GRK5: variants seen among roughly 807,000 people sequenced by gnomAD.
GRK5 encodes the protein G protein-coupled receptor kinase 5.
Under a neutral mutation model 78.4 loss-of-function variants are expected in GRK5, and 40 were observed. The observed-to-expected ratio is 0.51, with a 90% confidence interval of 0.40 to 0.66. The LOEUF is 0.66. GRK5 is among the 30% of genes least tolerant of loss of function. The pLI, the probability that GRK5 is intolerant of heterozygous loss-of-function variation, is 0.00. For synonymous variants in GRK5, 289 were observed against 296.8 expected (o/e 0.97, Z 0.27); for missense variants, 598 against 759.9 (o/e 0.79, Z 2.50).
chr10:119,419,137 G>A (rs960782680), intron 4 of GRK5, among the ~76,000 whole-genome samples: 2 of 152,044 alleles, frequency 1.3e-5, no homozygotes, highest in African/African-American at 4.8e-5. Context: ...CCAGCCCACC[G>A]CCCACCAGCC....
At chr10:119,362,509 C>T (rs957017531) in intron 2 of GRK5, among the ~76,000 whole-genome samples, 1 of 152,218 alleles carries the variant, frequency 6.6e-6, no homozygotes, top group Non-Finnish European at 1.5e-5. Flanking sequence ...CAGAGCCTTC[C>T]TGCATCTAAA....
chr10:119,359,425 G>T (rs1447516198), intron 2 of GRK5, among the ~76,000 whole-genome samples: 2 of 152,224 alleles, frequency 1.3e-5, no homozygotes, highest in Non-Finnish European at 2.9e-5. Context: ...GCAGCTGTGG[G>T]TTGATGCAGC....
At chr10:119,219,276 ATAGCT>A (rs1163037289) in intron 1 of GRK5, among the ~76,000 whole-genome samples, 2 of 151,890 alleles carry the variant, frequency 1.3e-5, no homozygotes, top group African/African-American at 4.8e-5. Flanking sequence ...TGGCACCATC[ATAGCT>A]TAGCTCACTG....
intron 2 of GRK5, among the ~76,000 whole-genome samples, chr10:119,340,497 C>A (rs1012359181): frequency 6.6e-6 from 1 of 152,184 alleles, no homozygotes; most frequent in African/African-American, 2.4e-5. Context: ...ATTTCCAAAA[C>A]AATTTTAAAA....
At chr10:119,396,989 G>A (rs1852066056) in intron 4 of GRK5, among the ~76,000 whole-genome samples, 2 of 152,258 alleles carry the variant, frequency 1.3e-5, no homozygotes, top group Admixed American at 1.3e-4. Context: ...TGGAGTAGGG[G>A]CGGGATGCCT....
intron 4 of GRK5, among the ~76,000 whole-genome samples, chr10:119,398,279 G>A (rs375954746): frequency 6.6e-6 from 1 of 152,172 alleles, no homozygotes; most frequent in African/African-American, 2.4e-5. Context: ...TGGACACTCT[G>A]GGCATAAACA....
intron 11 of GRK5, 49 bp downstream of exon 11, chr10:119,442,137 C>G: frequency 1.3e-6 from 2 of 1,500,994 alleles, no homozygotes; most frequent in Non-Finnish European, 9.3e-7. Context: ...CCACCACCTG[C>G]TCACCGCCGG....
rs1475751178 is a variant in GRK5, at chr10:119,238,161, G to T, written c.52+30192G>T. 6.6e-6 allele frequency among the ~76,000 whole-genome samples: 1 copy of T among 152,164 alleles called. No homozygotes were observed. Among genetic ancestry groups the T allele is most frequent in the Non-Finnish European group, 1.5e-5 (1 of 68,034 alleles). On this transcript the variant is annotated intron_variant, in intron 1 of 15. Coordinates refer to ENST00000392870, the MANE Select transcript of GRK5 (RefSeq NM_005308.3). This position sits in a 1 kb window ranked among gnomAD's most constrained non-coding sequence, Gnocchi z 4.7. ...AGAGAGGGTTTTCTGGTCTGAAGAG[G>T]AGAGTGTGCCCCTCACAGTAGATGG... is the stretch of plus-strand genomic sequence containing the variant.
intron 1 of GRK5, among the ~76,000 whole-genome samples, chr10:119,302,590 C>T (rs1457677828): frequency 6.6e-6 from 1 of 152,208 alleles, no homozygotes; most frequent in Non-Finnish European, 1.5e-5. Context: ...TCTACCTGCT[C>T]CCCAGGGCAC....
chr10:119,405,647 C>G (rs539442128), intron 4 of GRK5, among the ~76,000 whole-genome samples: 95 of 151,294 alleles, frequency 6.3e-4, no homozygotes, highest in African/African-American at 2.1e-3. Context: ...CACAGGCAGT[C>G]AGCTTCATCC....
intron 1 of GRK5, among the ~76,000 whole-genome samples, chr10:119,220,707 C>T (rs563256741): frequency 2.6e-5 from 4 of 151,292 alleles, no homozygotes; most frequent in African/African-American, 9.7e-5. Context: ...TGGTGGCACG[C>T]GCCTGTAATC....
intron 9 of GRK5, 45 bp downstream of exon 9, chr10:119,436,886 G>A: frequency 6.6e-7 from 1 of 1,526,534 alleles, no homozygotes; most frequent in Non-Finnish European, 8.9e-7. Flanking sequence ...GTCCGAGGGG[G>A]TGGGGCCAGC....
intron 4 of GRK5, among the ~76,000 whole-genome samples, chr10:119,397,759 C>G (rs1304506037): frequency 6.6e-6 from 1 of 152,242 alleles, no homozygotes; most frequent in Non-Finnish European, 1.5e-5. Context: ...TCTCCAGCAT[C>G]AGCAGTTGGT....
chr10:119,420,359 AAAAAAAC>A (rs1348397122), intron 4 of GRK5, among the ~76,000 whole-genome samples: 2 of 151,458 alleles, frequency 1.3e-5, no homozygotes, highest in African/African-American at 4.8e-5. Context: ...CAAACAAAAA[AAAAAAAC>A]AAGAAGAAAG....
intron 13 of GRK5, among the ~76,000 whole-genome samples, chr10:119,450,446 G>T (rs1044834056): frequency 2.0e-5 from 3 of 152,190 alleles, no homozygotes; most frequent in Non-Finnish European, 4.4e-5. Context: ...AATAGAAGTA[G>T]AAATACGAGT....
rs1848413764 is a variant in GRK5, at chr10:119,207,895, C to T, written c.-23C>T. The T allele has an allele frequency of 1.3e-6, 2 of 1,590,416 alleles. No individual in the cohort carries two copies. Among genetic ancestry groups the T allele is most frequent in the African/African-American group, 1.4e-5 (1 of 72,366 alleles). ...GCGCTGACAGCCCCGCCGGCCGGCT[C>T]CGTTGCTGACCGCCGACTGTCAATG... On this transcript the variant is annotated 5_prime_UTR_variant, in exon 1 of 16. Coordinates refer to ENST00000392870, the MANE Select transcript of GRK5 (RefSeq NM_005308.3).
intron 3 of GRK5, among the ~76,000 whole-genome samples, chr10:119,389,960 C>A (rs542087297): frequency 6.6e-6 from 1 of 152,286 alleles, no homozygotes; most frequent in East Asian, 1.9e-4. Context: ...ATTCCAGGAG[C>A]CAGGAGCTTA....
intron 1 of GRK5, among the ~76,000 whole-genome samples, chr10:119,286,798 G>A (rs2133696927): frequency 6.6e-6 from 1 of 152,354 alleles, no homozygotes; most frequent in Middle Eastern, 3.4e-3. Context: ...GGGGAGGTGA[G>A]GGGTCAGGGG....
At chr10:119,316,015 C>A (rs944057614) in intron 1 of GRK5, among the ~76,000 whole-genome samples, 1 of 152,206 alleles carries the variant, frequency 6.6e-6, no homozygotes, top group African/African-American at 2.4e-5. Flanking sequence ...CCTGGGGTCT[C>A]TGTAACCTGT....
Sources: allele counts gnomAD v4.1 joint callset (sites outside exome capture counted in the v4.1 genomes callset), GRCh38; gene constraint gnomAD v4.1.1; non-coding constraint Gnocchi (gnomAD v3.1); transcripts MANE v1.5; gene names NCBI Gene and HGNC (gene_info 2026-07-23, HGNC 2026-07-21).